The following BCO2 variants were observed in gnomAD, a reference collection of about 807,000 sequenced individuals.
BCO2 encodes the protein beta-carotene oxygenase 2.
BCO2 carries 56 observed loss-of-function variants against 65.8 expected under a neutral mutation model. That is an observed-to-expected ratio of 0.85 (90% CI 0.69 to 1.06). BCO2 has a LOEUF of 1.06. Ranked by LOEUF, BCO2 falls within the 50% of genes least tolerant of loss-of-function variation. BCO2 has a pLI of 0.00. For synonymous variants in BCO2, 233 were observed against 242.3 expected (o/e 0.96, Z 0.36); for missense variants, 675 against 698.5 (o/e 0.97, Z 0.38).
At position 112,193,703 on chromosome 11, in the gene BCO2, A is replaced by G; in HGVS notation, c.517+6A>G. Reference sequence around the variant, plus strand: ...GCTGCCTGGTAAAGCTGCAGGTGATAGTGATGATTATTTAAACTATTACGA... The same window carrying G: ...GCTGCCTGGTAAAGCTGCAGGTGATGGTGATGATTATTTAAACTATTACGA... On this transcript the variant is annotated splice_donor_region_variant and intron_variant, in intron 3 of 11. Transcript: ENST00000357685. The G allele has an allele frequency of 6.2e-7, 1 of 1,608,860 alleles. No individual in the cohort carries two copies. The highest frequency in any genetic ancestry group is 1.7e-5 in the Admixed American group (1 of 59,536).
chr11:112,209,455 A>G, intron 8 of BCO2, among the ~76,000 whole-genome samples: 1 of 152,194 alleles, frequency 6.6e-6, no homozygotes, highest in East Asian at 1.9e-4. Flanking sequence ...TGAAATGTGT[A>G]TTCATTCATT....
chr11:112,216,451 CCTTA>C, intron 11 of BCO2, 121 bp downstream of exon 11: 4 of 673,418 alleles, frequency 5.9e-6, no homozygotes, highest in South Asian at 1.9e-5. Flanking sequence ...CTCTTCCCCT[CCTTA>C]CTATTTACAT....
At chr11:112,212,465 A>G (rs1360476066) in intron 8 of BCO2, among the ~76,000 whole-genome samples, 3 of 152,340 alleles carry the variant, frequency 2.0e-5, no homozygotes, top group African/African-American at 4.8e-5. Context: ...GTGAGATACC[A>G]TCTTTATTAA....
intron 2 of BCO2, chr11:112,182,807 C>CA (rs1376091222): frequency 1.5e-6 from 1 of 645,720 alleles, no homozygotes; most frequent in Non-Finnish European, 2.7e-6. Context: ...ACATATGTAA[C>CA]AAACCGGCAC....
intron 5 of BCO2, among the ~76,000 whole-genome samples, chr11:112,195,545 T>A (rs1423467575): frequency 6.6e-6 from 1 of 151,984 alleles, no homozygotes; most frequent in East Asian, 1.9e-4. Context: ...CAGATTCAAG[T>A]GATTCTCCTG....
intron 8 of BCO2, among the ~76,000 whole-genome samples, chr11:112,213,399 T>C (rs1403873947): frequency 6.6e-6 from 1 of 152,076 alleles, no homozygotes; most frequent in African/African-American, 2.4e-5. Flanking sequence ...TGCCTTGGCC[T>C]CCCAAAGTGC....
Position 112,194,682 on chromosome 11 carries a change from T to C in BCO2, c.663T>C (p.Asn221=), listed in dbSNP as rs771057966. ...ATTGGAGCAAATTTATTGCTGTGAATGGAGCAACTGCACATCCTCATTATG... is the reference window on the plus strand; with the variant it reads ...ATTGGAGCAAATTTATTGCTGTGAACGGAGCAACTGCACATCCTCATTATG... ...KVDWSKFIAV[N]GATAHPHYDL... is the part of the protein sequence containing the mutation. The change falls in exon 5 of 12, where the codon AAT becomes AAC. Residue 221 remains asparagine, a synonymous_variant. Transcript: ENST00000357685. 27 of 1,613,196 alleles carry C rather than the reference T, an allele frequency of 1.7e-5. No individual in the cohort carries two copies. Among genetic ancestry groups the C allele is most frequent in the Non-Finnish European group, 2.3e-5 (27 of 1,179,526 alleles).
chr11:112,194,799 G>T (rs768873253), intron 5 of BCO2, 44 bp downstream of exon 5: 3 of 1,340,826 alleles, frequency 2.2e-6, no homozygotes, highest in Non-Finnish European at 3.2e-6. Flanking sequence ...TTGAGACCAG[G>T]CACGGTGTGT....
chr11:112,206,261 T>G (rs990357318), intron 8 of BCO2, among the ~76,000 whole-genome samples: 2 of 150,602 alleles, frequency 1.3e-5, no homozygotes, highest in Admixed American at 1.3e-4. Flanking sequence ...GCAGAGGCGC[T>G]CCTCACTTGC....
chr11:112,180,241 C>T (rs2135346366), intron 2 of BCO2, among the ~76,000 whole-genome samples: 1 of 152,260 alleles, frequency 6.6e-6, no homozygotes, highest in South Asian at 2.1e-4. Flanking sequence ...TTTTGCTTTG[C>T]AGAACTTTGT....
At chr11:112,184,682 TA>T (rs139733762) in intron 2 of BCO2, among the ~76,000 whole-genome samples, 2,397 of 152,310 alleles carry the variant, frequency 0.016, 62 homozygotes, top group African/African-American at 0.055. Flanking sequence ...CTTTTACTTA[TA>T]TTTTTTGTTT....
At chr11:112,189,895 T>A (rs1264684508) in intron 2 of BCO2, among the ~76,000 whole-genome samples, 6 of 152,204 alleles carry the variant, frequency 3.9e-5, no homozygotes, top group Non-Finnish European at 8.8e-5. Flanking sequence ...TTCCCTATTG[T>A]TTTTATAAAG....
At position 112,193,915 on chromosome 11, in the gene BCO2, A is replaced by T; in HGVS notation, c.554A>T (p.Tyr185Phe). ...AATACTAATGTCAACTATGTGCGGTACAAGGGTGATTACTACCTCTGCACT... is the reference window on the plus strand; with the variant it reads ...AATACTAATGTCAACTATGTGCGGTTCAAGGGTGATTACTACCTCTGCACT... ...TDNTNVNYVR[Y>F]KGDYYLCTET... Residue 185 changes from tyrosine (Y) to phenylalanine (F), a missense_variant, in exon 4 of 12, where the codon TAC (tyrosine) becomes TTC (phenylalanine). Transcript: ENST00000357685. 1 of 1,612,568 alleles carries T rather than the reference A, an allele frequency of 6.2e-7. No homozygotes were observed. Among genetic ancestry groups the T allele is most frequent in the Non-Finnish European group, 8.5e-7 (1 of 1,178,520 alleles).
chr11:112,217,639 G>A (rs1228657637), intron 11 of BCO2, 122 bp from the exon 12 acceptor site: 3 of 653,930 alleles, frequency 4.6e-6, no homozygotes, highest in Admixed American at 5.1e-5. Flanking sequence ...AGGATTACAG[G>A]TGTGAGCCAC....
chr11:112,214,919 T>C lies in BCO2; in HGVS notation c.1490T>C (p.Val497Ala), dbSNP rs1592869402. ...TTAGTGGGGGATTCTCTGATCAAGG[T>C]TGATGTGGTGAATAAGACACTGAAG... ...RHLVGDSLIK[V>A]DVVNKTLKVW... The change falls in exon 10 of 12, where the codon GTT becomes GCT. Residue 497 changes from valine to alanine, a missense_variant. Coordinates refer to ENST00000357685, the MANE Select transcript of BCO2 (RefSeq NM_031938.7). 6.2e-7 allele frequency: 1 copy of C among 1,614,152 alleles called. No homozygotes were observed. The highest frequency in any genetic ancestry group is 2.2e-5 in the East Asian group (1 of 44,864).
At chr11:112,186,852 TA>T (rs756494146) in intron 2 of BCO2, among the ~76,000 whole-genome samples, 3 of 152,040 alleles carry the variant, frequency 2.0e-5, no homozygotes, top group Non-Finnish European at 2.9e-5. Flanking sequence ...TAAACAAAAG[TA>T]AAAAGAATAA....
chr11:112,181,208 G>A (rs1373834172), intron 2 of BCO2: 2 of 728,822 alleles, frequency 2.7e-6, no homozygotes, highest in Non-Finnish European at 4.5e-6. Flanking sequence ...TTGAGACGGA[G>A]TCTCGCTCTG....
intron 2 of BCO2, among the ~76,000 whole-genome samples, chr11:112,186,120 G>A (rs147454352): frequency 6.6e-6 from 1 of 152,318 alleles, no homozygotes; most frequent in Non-Finnish European, 1.5e-5. Flanking sequence ...GAGAAGGAGG[G>A]CAAAGGGGAG....
intron 8 of BCO2, chr11:112,208,750 A>C: frequency 5.1e-6 from 1 of 197,198 alleles, no homozygotes; most frequent in Non-Finnish European, 1.1e-5. Context: ...CGATTCTGCA[A>C]TTTCCCAGCA....
Sources: gnomAD v4.1 joint callset for allele counts (sites outside exome capture counted in the v4.1 genomes callset) on GRCh38, gnomAD v4.1.1 for gene constraint, MANE v1.5 for transcripts, NCBI Gene and HGNC (gene_info 2026-07-23, HGNC 2026-07-21) for gene names.